The following INPP5D variants were observed in gnomAD, a reference collection of about 807,000 sequenced individuals.
INPP5D encodes the protein phosphatidylinositol 3,4,5-trisphosphate 5-phosphatase 1.
INPP5D carries 33 observed loss-of-function variants against 122.9 expected under a neutral mutation model. That is an observed-to-expected ratio of 0.27 (90% CI 0.20 to 0.36). The LOEUF (loss-of-function observed/expected upper bound fraction) is 0.36, where lower values mean the gene tolerates loss of function less well. Ranked by LOEUF, INPP5D falls within the 10% of genes least tolerant of loss-of-function variation. The pLI is 1.00. For missense variants in INPP5D, 1,053 were observed against 1,412.7 expected, an observed-to-expected ratio of 0.75 and a Z score of 4.08; for synonymous variants, 584 against 576.2, an observed-to-expected ratio of 1.01 and a Z score of -0.19.
rs564684076 is a variant in INPP5D at position 233,195,565 on chromosome 2, G to T, written c.2693+70G>T. 194 of 1,603,068 alleles carry T rather than the reference G, an allele frequency of 1.2e-4. No homozygotes were observed. The African/African-American group carries it at 2.4e-3, about 20-fold the overall frequency. On this transcript the variant is annotated intron_variant, in intron 24 of 26. Transcript: ENST00000445964. ...GACTCATGACAAATTAGCATGGTTT[G>T]GCCGGGTGCGATGGTTCACGCCCAT...
intron 25 of INPP5D, among the ~76,000 whole-genome samples, chr2:233,203,380 C>T (rs1446378627): frequency 6.6e-6 from 1 of 152,116 alleles, no homozygotes; most frequent in Non-Finnish European, 1.5e-5. Flanking sequence ...ACTGAGGTGC[C>T]ATGTAAGTTC....
At chr2:233,193,321 A>G (rs1187971442) in intron 22 of INPP5D, among the ~76,000 whole-genome samples, 3 of 152,238 alleles carry the variant, frequency 2.0e-5, no homozygotes, top group Non-Finnish European at 4.4e-5. Flanking sequence ...AAAATTAACC[A>G]GCTGCAATTC....
At position 233,105,282 on chromosome 2, in the gene INPP5D, GA is replaced by G. The variant is rs1022149129; in HGVS notation, c.199-16822del. On this transcript the variant is annotated intron_variant, in intron 2 of 26. Coordinates refer to ENST00000445964, the MANE Select transcript of INPP5D (RefSeq NM_001017915.3). This position sits in a 1 kb window ranked among gnomAD's most constrained non-coding sequence, Gnocchi z 4.0. ...CTCTGTAAGAACCTGGCTATGGTTG[GA>G]AACCGTCATTTCTATCTACACCTGT... Among the ~76,000 whole-genome samples the G allele has an allele frequency of 1.2e-4, 19 of 152,084 alleles. No individual in the cohort carries two copies. Among genetic ancestry groups the G allele is most frequent in the African/African-American group, 4.3e-4 (18 of 41,406 alleles).
intron 9 of INPP5D, among the ~76,000 whole-genome samples, chr2:233,149,898 C>T (rs935125258): frequency 9.9e-5 from 15 of 152,202 alleles, no homozygotes; most frequent in Middle Eastern, 6.8e-3. Context: ...TGACTGTCAC[C>T]ACCACCACCA....
chr2:233,204,148 G>A lies in INPP5D; in HGVS notation c.2998G>A (p.Ala1000Thr), dbSNP rs778827225. 41 of 1,569,152 alleles carry A rather than the reference G, an allele frequency of 2.6e-5. No homozygotes were observed. Among genetic ancestry groups the A allele is most frequent in the Admixed American group, 5.7e-5 (3 of 52,422 alleles). Residue 1000 changes from alanine (A) to threonine (T), a missense_variant, in exon 26 of 27, where the codon GCA becomes ACA. Around this residue, in one of 6 missense-constraint regions of INPP5D, gnomAD observed 417 missense variants for 425.8 expected, o/e 0.98. Coordinates refer to ENST00000445964, the MANE Select transcript of INPP5D (RefSeq NM_001017915.3). ...ESRPSDLGKNAGDTLPQEDLP... is the reference protein window; with the variant it reads ...ESRPSDLGKNTGDTLPQEDLP... ...TAGGCCCAGTGACCTGGGGAAGAACGCAGGGGACACGCTGCCTCAGGAGGA... is the reference window on the plus strand; with the variant it reads ...TAGGCCCAGTGACCTGGGGAAGAACACAGGGGACACGCTGCCTCAGGAGGA...
intron 5 of INPP5D, among the ~76,000 whole-genome samples, chr2:233,137,856 ATATATATATATATATATATAT>A (rs1693520837): frequency 7.0e-5 from 1 of 14,364 alleles, no homozygotes; most frequent in African/African-American, 2.2e-4. Context: ...AAAAAAAAAT[ATATATATATATATATATATAT>A]ATATATATAT....
At position 233,188,497 on chromosome 2, in the gene INPP5D, G is replaced by C. The variant is rs139322145; in HGVS notation, c.2359-1353G>C. On this transcript the variant is annotated intron_variant, in intron 21 of 26. Transcript: ENST00000445964. This position sits in a 1 kb window ranked among gnomAD's most constrained non-coding sequence, Gnocchi z 4.7. ...GACATCACCTCATGCCAGGAGCCAA[G>C]TGATAATTGGTGCAGCTGTAGAACC... 3.5e-4 allele frequency among the ~76,000 whole-genome samples: 53 copies of C among 152,324 alleles called. No individual in the cohort carries two copies. Among genetic ancestry groups the C allele is most frequent in the African/African-American group, 1.2e-3 (51 of 41,566 alleles).
At chr2:233,149,090 T>A (rs1388203961) in intron 9 of INPP5D, among the ~76,000 whole-genome samples, 1 of 148,404 alleles carries the variant, frequency 6.7e-6, no homozygotes, top group Non-Finnish European at 1.5e-5. Context: ...TCTTCAGGCA[T>A]GATCAGCACC....
At chr2:233,066,081 C>A (rs1252850286) in intron 1 of INPP5D, among the ~76,000 whole-genome samples, 1 of 152,064 alleles carries the variant, frequency 6.6e-6, no homozygotes, top group Admixed American at 6.6e-5. Context: ...CCTCAGTTTC[C>A]CGAGTAGCTG....
chr2:233,061,237 A>G (rs957827716), intron 1 of INPP5D, among the ~76,000 whole-genome samples: 28 of 109,490 alleles, frequency 2.6e-4, no homozygotes, highest in African/African-American at 7.8e-4. Flanking sequence ...CACCCCCTCA[A>G]TTTGGGTCTC....
chr2:233,113,818 C>A (rs1004129932), intron 2 of INPP5D, among the ~76,000 whole-genome samples: 1 of 152,114 alleles, frequency 6.6e-6, no homozygotes, highest in Non-Finnish European at 1.5e-5. Context: ...GCGTCCACAC[C>A]GTAGCCGAGG....
intron 4 of INPP5D, 22 bp downstream of exon 4, chr2:233,125,941 G>C (rs1168680319): frequency 1.2e-6 from 2 of 1,607,646 alleles, no homozygotes; most frequent in East Asian, 2.2e-5. Flanking sequence ...CTCAAGTCCA[G>C]CTGGGCCTTC....
chr2:233,092,314 C>T (rs1692014234), intron 2 of INPP5D, among the ~76,000 whole-genome samples: 1 of 152,158 alleles, frequency 6.6e-6, no homozygotes, highest in Non-Finnish European at 1.5e-5. Context: ...CCCAGAGTAC[C>T]TCAAGAGTTT....
In INPP5D at chr2:233,184,604, A is replaced by G. The variant is rs980183638; in HGVS notation, c.2275+83A>G. ...CCTTTCATACTTGGCACTTTGCCCC[A>G]TATCTTCTCTCCCTGGAAAGGACTC... On this transcript the variant is annotated intron_variant, in intron 20 of 26. Coordinates refer to ENST00000445964, the MANE Select transcript of INPP5D (RefSeq NM_001017915.3). The G allele has an allele frequency of 3.3e-6, 5 of 1,537,454 alleles. No individual in the cohort carries two copies. The Middle Eastern group carries it at 5.3e-4, about 163-fold the overall frequency.
intron 2 of INPP5D, among the ~76,000 whole-genome samples, chr2:233,089,025 C>T (rs1691923483): frequency 6.6e-6 from 1 of 152,182 alleles, no homozygotes; most frequent in Middle Eastern, 3.2e-3. Flanking sequence ...GCCGTATGTC[C>T]CGACTATATT....
chr2:233,097,426 CTT>C (rs1471047872), intron 2 of INPP5D, among the ~76,000 whole-genome samples: 13 of 152,218 alleles, frequency 8.5e-5, no homozygotes, highest in African/African-American at 3.1e-4. Flanking sequence ...TTATAAATAA[CTT>C]ATGTTCTTAT....
chr2:233,205,144 A>C (rs189347571), intron 26 of INPP5D: 17 of 160,760 alleles, frequency 1.1e-4, no homozygotes, highest in Non-Finnish European at 2.2e-4. Flanking sequence ...CAGGAGATCG[A>C]GACCATCCTG....
At chr2:233,133,929 G>T in intron 5 of INPP5D, 1 of 455,770 alleles carries the variant, frequency 2.2e-6, no homozygotes, top group Non-Finnish European at 4.4e-6. Context: ...ACAGGCTCTG[G>T]CACATGCGGC....
At chr2:233,095,082 A>C (rs1366539720) in intron 2 of INPP5D, among the ~76,000 whole-genome samples, 1 of 152,224 alleles carries the variant, frequency 6.6e-6, no homozygotes, top group Non-Finnish European at 1.5e-5. Flanking sequence ...GCTTAAATAC[A>C]CTGTGGTCCA....
Sources: allele counts gnomAD v4.1 joint callset (sites outside exome capture counted in the v4.1 genomes callset), GRCh38; gene constraint gnomAD v4.1.1; regional missense constraint gnomAD v4.1.1; non-coding constraint Gnocchi (gnomAD v3.1); transcripts MANE v1.5; gene names NCBI Gene and HGNC (gene_info 2026-07-23, HGNC 2026-07-21).